Variants in FAM171A2 observed in about 807,000 individuals in gnomAD.
FAM171A2 encodes the protein protein FAM171A2.
In FAM171A2, 13 loss-of-function variants were observed where a neutral mutation model predicts 34.2. The observed-to-expected ratio is 0.38, with a 90% confidence interval of 0.25 to 0.60. The LOEUF (loss-of-function observed/expected upper bound fraction) is 0.60. Among genes scored for constraint, FAM171A2 ranks in the 20% least tolerant of loss-of-function variants. The pLI is 0.62. For missense variants in FAM171A2, 950 were observed against 1,180.7 expected (o/e 0.80, Z 2.86); for synonymous variants, 475 against 561.2 (o/e 0.85, Z 2.17).
chr17:44,358,862 G>T, intron 3 of FAM171A2: 1 of 152,476 alleles, frequency 6.6e-6, no homozygotes, highest in Non-Finnish European at 1.5e-5. Context: ...GTCTCCCCCT[G>T]GCCTTCCTCT....
At chr17:44,358,552 G>C (rs192400964) in intron 3 of FAM171A2, among the ~76,000 whole-genome samples, 4 of 152,028 alleles carry the variant, frequency 2.6e-5, no homozygotes, top group Non-Finnish European at 5.9e-5. Context: ...TTAGTCTGGC[G>C]TGGTGATGGG....
In FAM171A2 at chr17:44,353,790, C is replaced by T; in HGVS notation, c.2424G>A (p.Lys808=). Residue 808 remains lysine, a synonymous_variant, in exon 8 of 8, where the codon AAG becomes AAA. Transcript: ENST00000293443. ...CCTCCCGCCGCTGCCACGGGCTCTTCTTGTCTCCCGCCTCGTCGCCCACCT... is the reference window on the plus strand; with the variant it reads ...CCTCCCGCCGCTGCCACGGGCTCTTTTTGTCTCCCGCCTCGTCGCCCACCT... The part of the protein sequence containing the change: ...GAEVGDEAGD[K]KSPWQRREER... 1 of 1,438,090 alleles carries T rather than the reference C, an allele frequency of 7.0e-7. No individual in the cohort carries two copies. Among genetic ancestry groups the T allele is most frequent in the African/African-American group, 1.5e-5 (1 of 67,228 alleles). 89.1% of individuals were successfully genotyped at this position (1,438,090 alleles called of 1,614,324 possible).
In FAM171A2 at chr17:44,355,852, C is replaced by A. The variant is rs181986356; in HGVS notation, c.896-11G>T. 34 of 1,551,556 alleles carry A rather than the reference C, an allele frequency of 2.2e-5. No homozygotes were observed. Among genetic ancestry groups the A allele is most frequent in the Non-Finnish European group, 1.1e-5 (13 of 1,146,962 alleles). ...TGATGGTGACCAGCCCTGTGCCAGG[C>A]GAGGGCTTAGCGTTCAGGTGTAGAC... On this transcript the variant is annotated splice_polypyrimidine_tract_variant and intron_variant, in intron 6 of 7. Transcript: ENST00000293443. The surrounding 1 kb of genome is among the most constrained non-coding windows in gnomAD (Gnocchi z 4.1).
intron 1 of FAM171A2, among the ~76,000 whole-genome samples, chr17:44,362,716 G>C (rs2048452831): frequency 6.6e-6 from 1 of 152,014 alleles, no homozygotes; most frequent in South Asian, 2.1e-4. Context: ...ACCCACCTGC[G>C]CCCGGTGAGT....
chr17:44,354,565 C>T lies in FAM171A2; in HGVS notation c.1649G>A (p.Gly550Asp), dbSNP rs1164050991. Residue 550 changes from glycine (G) to aspartate (D), a missense_variant, in exon 8 of 8, where the codon GGC (glycine) becomes GAC (aspartate). This residue lies in a region of FAM171A2 where 752 missense variants were observed against 924.5 expected (regional missense o/e 0.81). Transcript: ENST00000293443. This position sits in a 1 kb window ranked among gnomAD's most constrained non-coding sequence, Gnocchi z 5.8. ...CACGCCGGCGGCGCCCGCCTCGCCG[C>T]CGAGGCGCACGTAGTGCGCGGGGAT... The part of the protein sequence containing the change: ...LVIPAHYVRL[G>D]GEAGAAGVGD... The T allele has an allele frequency of 1.8e-5, 22 of 1,211,044 alleles. No homozygotes were observed. Among genetic ancestry groups the T allele is most frequent in the Non-Finnish European group, 2.3e-5 (22 of 974,586 alleles). 75.0% of individuals were successfully genotyped at this position (1,211,044 alleles called of 1,614,324 possible). A position where few individuals can be genotyped will look rare whatever the true frequency, so the allele number is the denominator to read the frequency against.
intron 3 of FAM171A2, 195 bp downstream of exon 3, chr17:44,359,384 T>A: frequency 1.7e-6 from 1 of 604,356 alleles, no homozygotes; most frequent in Non-Finnish European, 3.0e-6. Flanking sequence ...GTACTGTGTT[T>A]TTTCACTTTG....
chr17:44,359,764 T>A, intron 2 of FAM171A2, 93 bp from the exon 3 acceptor site: 1 of 992,400 alleles, frequency 1.0e-6, no homozygotes, highest in Non-Finnish European at 1.3e-6. Context: ...GGCTTCACCC[T>A]CCCTCAGCCC....
At chr17:44,357,730 C>CGTGTGTGTGTGTGTGTGTGT (rs141824631) in intron 3 of FAM171A2, among the ~76,000 whole-genome samples, 9,884 of 142,910 alleles carry the variant, frequency 0.069, 427 homozygotes, top group African/African-American at 0.11. Context: ...CAGTTTAGGT[C>CGTGTGTGTGTGTGTGTGTGT]GTGTGTGTGT....
chr17:44,360,236 T>C, intron 1 of FAM171A2, 104 bp from the exon 2 acceptor site: 3 of 968,312 alleles, frequency 3.1e-6, no homozygotes, highest in South Asian at 1.7e-5. Context: ...GAGAGTCTTT[T>C]GGGCTGAGGC....
Position 44,354,830 on chromosome 17 carries a change from G to A in FAM171A2, c.1384C>T (p.Arg462Trp), listed in dbSNP as rs1258633043. 78 of 1,280,950 alleles carry A rather than the reference G, an allele frequency of 6.1e-5. No homozygotes were observed. Among genetic ancestry groups the A allele is most frequent in the Non-Finnish European group, 7.7e-5 (78 of 1,015,234 alleles). 79.3% of individuals were successfully genotyped at this position (1,280,950 alleles called of 1,614,324 possible). A position where few individuals can be genotyped will look rare whatever the true frequency, so the allele number is the denominator to read the frequency against. ...AAGGCCGCAGCCCCCGAGGGCCCCC[G>A]CCGGTGCTCCTCTAGGCCGGGCTCC... ...GLEPGLEEHRRGPSGAAAFLH... is the reference protein window; with the variant it reads ...GLEPGLEEHRWGPSGAAAFLH... The change falls in exon 8 of 8, where the codon CGG becomes TGG. Residue 462 changes from arginine to tryptophan, a missense_variant. Transcript: ENST00000293443. This position sits in a 1 kb window ranked among gnomAD's most constrained non-coding sequence, Gnocchi z 5.8.
At position 44,359,500 on chromosome 17, in the gene FAM171A2, C is replaced by A; in HGVS notation, c.439+79G>T. 2.4e-6 allele frequency: 3 copies of A among 1,246,172 alleles called. No homozygotes were observed. In the Admixed American group the frequency reaches 6.2e-5, roughly 26 times the overall value. 77.2% of individuals were successfully genotyped at this position (1,246,172 alleles called of 1,614,324 possible). A position where few individuals can be genotyped will look rare whatever the true frequency, so the allele number is the denominator to read the frequency against. On this transcript the variant is annotated intron_variant, in intron 3 of 7. Transcript: ENST00000293443. ...AAGTGACTTGCCCAAGGACACCCAG[C>A]TAATATAGGACAGTGGAGGTCTCTA... is the stretch of plus-strand genomic sequence containing the variant.
chr17:44,361,752 G>C (rs1567892858), intron 1 of FAM171A2, among the ~76,000 whole-genome samples: 1 of 152,138 alleles, frequency 6.6e-6, no homozygotes, highest in Non-Finnish European at 1.5e-5. Context: ...GATGATGTAG[G>C]CACTATCCTT....
intron 1 of FAM171A2, 54 bp from the exon 2 acceptor site, chr17:44,360,186 T>G: frequency 2.1e-6 from 3 of 1,401,584 alleles, no homozygotes; most frequent in African/African-American, 1.4e-5. Context: ...GAAAGAGAAC[T>G]GGGGGGAGCC....
chr17:44,360,178 AAG>A (rs1477760418), intron 1 of FAM171A2, 46 bp from the exon 2 acceptor site: 1 of 1,474,714 alleles, frequency 6.8e-7, no homozygotes, highest in East Asian at 2.5e-5. Flanking sequence ...GGGAGGGGGA[AAG>A]AGAACTGGGG....
rs1187017256 is a variant in FAM171A2 at position 44,354,555 on chromosome 17, C to A, written c.1659G>T (p.Ala553=). 5.8e-6 allele frequency: 7 copies of A among 1,202,506 alleles called. No homozygotes were observed. Among genetic ancestry groups the A allele is most frequent in the Non-Finnish European group, 7.2e-6 (7 of 969,146 alleles). The allele number at this position is 1,202,506 out of a possible 1,614,324, so 74.5% of individuals were successfully genotyped here. A position where few individuals can be genotyped will look rare whatever the true frequency, so the allele number is the denominator to read the frequency against. Residue 553 remains alanine, a synonymous_variant, in exon 8 of 8, where the codon GCG becomes GCT. Transcript: ENST00000293443. The surrounding 1 kb of genome is among the most constrained non-coding windows in gnomAD (Gnocchi z 5.8). ...GCTCGTCGCCCACGCCGGCGGCGCC[C>A]GCCTCGCCGCCGAGGCGCACGTAGT... ...PAHYVRLGGE[A]GAAGVGDEPA...
chr17:44,356,067 C>A lies in FAM171A2; in HGVS notation c.786G>T (p.Trp262Cys). Reference protein sequence around the residue: ...AWRFDPKSGLWVRNGTGVIRK... With the variant: ...AWRFDPKSGLCVRNGTGVIRK... Reference sequence around the variant, plus strand: ...GGATTACACCAGTGCCATTGCGCACCCACAGCCCTGGGAGAGGCAGGGGTT... The same window carrying A: ...GGATTACACCAGTGCCATTGCGCACACACAGCCCTGGGAGAGGCAGGGGTT... The change falls in exon 6 of 8, where the codon TGG becomes TGT. Residue 262 changes from tryptophan to cysteine, a missense_variant. Physicochemically the swap from Trp to Cys is radical, Grantham distance 215. Coordinates refer to ENST00000293443, the MANE Select transcript of FAM171A2 (RefSeq NM_198475.3). The A allele has an allele frequency of 6.5e-7, 1 of 1,540,680 alleles. No individual in the cohort carries two copies. The highest frequency in any genetic ancestry group is 8.8e-7 in the Non-Finnish European group (1 of 1,140,798).
At chr17:44,357,422 G>A (rs1160437980) in intron 3 of FAM171A2, among the ~76,000 whole-genome samples, 4 of 152,058 alleles carry the variant, frequency 2.6e-5, no homozygotes, top group Admixed American at 2.6e-4. Context: ...TCCAAGGCAG[G>A]TGGATCACGA....
chr17:44,354,701 C>T lies in FAM171A2; in HGVS notation c.1513G>A (p.Asp505Asn), dbSNP rs780252996. 1.0e-5 allele frequency: 14 copies of T among 1,344,100 alleles called. No individual in the cohort carries two copies. The highest frequency in any genetic ancestry group is 1.5e-5 in the African/African-American group (1 of 65,338). 83.3% of individuals were successfully genotyped at this position (1,344,100 alleles called of 1,614,324 possible). A position where few individuals can be genotyped will look rare whatever the true frequency, so the allele number is the denominator to read the frequency against. ...TPDFLLSQSV[D>N]QLARPPSLGQ... ...AGCGACGGCGGCCGCGCCAGCTGGT[C>T]CACCGACTGCGACAGCAGGAAGTCG... The change falls in exon 8 of 8, where the codon GAC becomes AAC. Residue 505 changes from aspartate (D) to asparagine (N), a missense_variant. Physicochemically the swap from Asp to Asn is conservative, Grantham distance 23. Transcript: ENST00000293443. The surrounding 1 kb of genome is among the most constrained non-coding windows in gnomAD (Gnocchi z 5.8).
At chr17:44,359,283 G>T (rs2048438246) in intron 3 of FAM171A2, 1 of 411,526 alleles carries the variant, frequency 2.4e-6, no homozygotes, top group South Asian at 2.4e-5. Flanking sequence ...TAGACCCATT[G>T]AAGATAAAGG....
Sources: allele counts gnomAD v4.1 joint callset (sites outside exome capture counted in the v4.1 genomes callset), GRCh38; gene constraint gnomAD v4.1.1; regional missense constraint gnomAD v4.1.1; non-coding constraint Gnocchi (gnomAD v3.1); transcripts MANE v1.5; gene names NCBI Gene and HGNC (gene_info 2026-07-23, HGNC 2026-07-21).